RHPN2: variants seen among roughly 807,000 people sequenced by gnomAD.
RHPN2 encodes the protein rhophilin Rho GTPase binding protein 2.
RHPN2 carries 40 observed loss-of-function variants against 79.0 expected under a neutral mutation model. The ratio of observed to expected loss-of-function variants is 0.51; its 90% CI spans 0.39 to 0.66. The LOEUF (loss-of-function observed/expected upper bound fraction) is 0.66, where lower values mean the gene tolerates loss of function less well. Ranked by LOEUF, RHPN2 falls within the 30% of genes least tolerant of loss-of-function variation. RHPN2 has a pLI of 0.00. For synonymous variants in RHPN2, 285 were observed against 363.5 expected (o/e 0.78, Z 2.46); for missense variants, 686 against 883.5 (o/e 0.78, Z 2.83).
At chr19:33,063,928 A>T (rs980288277) in intron 1 of RHPN2, among the ~76,000 whole-genome samples, 2 of 151,956 alleles carry the variant, frequency 1.3e-5, no homozygotes, top group African/African-American at 4.8e-5. Flanking sequence ...TGCGGTGCTC[A>T]CGCCCTCCTG....
intron 3 of RHPN2, among the ~76,000 whole-genome samples, chr19:33,025,738 A>G (rs1271180925): frequency 6.6e-6 from 1 of 152,230 alleles, no homozygotes; most frequent in Non-Finnish European, 1.5e-5. Flanking sequence ...AACATTGGAA[A>G]GGTATTGTCC....
intron 1 of RHPN2, among the ~76,000 whole-genome samples, chr19:33,058,622 A>G (rs1972253757): frequency 6.6e-6 from 1 of 152,154 alleles, no homozygotes; most frequent in South Asian, 2.1e-4. Context: ...TCTACTAAAA[A>G]TACAAAAATT....
At chr19:33,036,653 G>A (rs972636264) in intron 2 of RHPN2, among the ~76,000 whole-genome samples, 19 of 152,300 alleles carry the variant, frequency 1.2e-4, no homozygotes, top group African/African-American at 3.6e-4. Context: ...AGGCGCGGGC[G>A]GGAACCAGGG....
chr19:33,053,011 G>A (rs1018243388), intron 1 of RHPN2, among the ~76,000 whole-genome samples: 1 of 149,614 alleles, frequency 6.7e-6, no homozygotes, highest in African/African-American at 2.5e-5. Context: ...TTGCTCTGTT[G>A]CCCAGGCTGG....
chr19:33,020,329 CTTT>C (rs71340522), intron 4 of RHPN2, among the ~76,000 whole-genome samples: 13 of 139,380 alleles, frequency 9.3e-5, no homozygotes, highest in South Asian at 2.3e-4. Flanking sequence ...CTTTCGTTCT[CTTT>C]TTTTTTTTTT....
chr19:32,985,241 G>C (rs1468421835), intron 14 of RHPN2, among the ~76,000 whole-genome samples: 1 of 151,918 alleles, frequency 6.6e-6, no homozygotes, highest in African/African-American at 2.4e-5. Flanking sequence ...TTGAGTCCTA[G>C]AACTCGAAGC....
intron 2 of RHPN2, among the ~76,000 whole-genome samples, chr19:33,036,537 G>A (rs1972057007): frequency 6.6e-6 from 1 of 152,166 alleles, no homozygotes; most frequent in Non-Finnish European, 1.5e-5. Context: ...CCACTTTGGC[G>A]ACACTTGAGG....
intron 4 of RHPN2, among the ~76,000 whole-genome samples, chr19:33,015,500 T>C (rs1022470652): frequency 6.6e-6 from 1 of 151,964 alleles, no homozygotes; most frequent in Admixed American, 6.6e-5. Flanking sequence ...TCACTGTTAT[T>C]ACTTAGCCTA....
chr19:33,003,935 GA>G (rs1249755631), intron 7 of RHPN2, among the ~76,000 whole-genome samples: 4 of 152,218 alleles, frequency 2.6e-5, no homozygotes, highest in African/African-American at 9.6e-5. Context: ...AGCTATAAAG[GA>G]GGCTGAGGTG....
intron 1 of RHPN2, among the ~76,000 whole-genome samples, 154 bp downstream of exon 1, chr19:33,064,630 G>T (rs1219490333): frequency 6.9e-6 from 1 of 144,402 alleles, no homozygotes; most frequent in East Asian, 2.1e-4. Context: ...ACTCCTCCCC[G>T]CCAGCCTCCG....
chr19:33,036,186 A>T (rs1000299450), intron 2 of RHPN2, among the ~76,000 whole-genome samples: 5 of 139,672 alleles, frequency 3.6e-5, no homozygotes, highest in South Asian at 2.3e-4. Context: ...AAGAAAATTA[A>T]TTTTTTTTTT....
intron 2 of RHPN2, among the ~76,000 whole-genome samples, chr19:33,034,052 C>G (rs1428681318): frequency 8.0e-6 from 1 of 125,582 alleles, no homozygotes; most frequent in Admixed American, 7.6e-5. Context: ...AGTCAGGGGT[C>G]TAAACATATT....
At chr19:33,049,007 T>C in intron 1 of RHPN2, among the ~76,000 whole-genome samples, 1 of 152,104 alleles carries the variant, frequency 6.6e-6, no homozygotes, top group East Asian at 1.9e-4. Flanking sequence ...TCTGCTGGCC[T>C]GGAATCAGTA....
At chr19:32,992,191 T>C in intron 12 of RHPN2, 1 of 571,454 alleles carries the variant, frequency 1.7e-6, no homozygotes, top group Non-Finnish European at 3.2e-6. Context: ...CTTTTAGGCA[T>C]TGTATTAATT....
chr19:33,011,896 T>C, intron 5 of RHPN2, 93 bp from the exon 6 acceptor site: 1 of 1,539,492 alleles, frequency 6.5e-7, no homozygotes. Flanking sequence ...AGCAGGTGCC[T>C]GTAACTATTT....
At chr19:33,044,849 A>G (rs1485420696) in intron 1 of RHPN2, among the ~76,000 whole-genome samples, 1 of 152,140 alleles carries the variant, frequency 6.6e-6, no homozygotes, top group Non-Finnish European at 1.5e-5. Flanking sequence ...AGCCGAGATT[A>G]TGCCACTGCA....
At chr19:33,035,944 A>G (rs1021442140) in intron 2 of RHPN2, among the ~76,000 whole-genome samples, 1 of 151,894 alleles carries the variant, frequency 6.6e-6, no homozygotes, top group Non-Finnish European at 1.5e-5. Flanking sequence ...GTGAAAACCT[A>G]TCTCTACTAA....
chr19:32,986,561 T>A (rs1971614322), intron 14 of RHPN2, among the ~76,000 whole-genome samples: 1 of 152,038 alleles, frequency 6.6e-6, no homozygotes, highest in African/African-American at 2.4e-5. Flanking sequence ...TTTGGGAGGC[T>A]AAGGTAGATG....
intron 3 of RHPN2, among the ~76,000 whole-genome samples, chr19:33,022,890 G>C (rs550961530): frequency 2.6e-5 from 4 of 152,226 alleles, no homozygotes; most frequent in African/African-American, 4.8e-5. Context: ...CCTGCTGAAG[G>C]CTCCTCCAGG....
Sources: gnomAD v4.1 joint callset for allele counts (sites outside exome capture counted in the v4.1 genomes callset) on GRCh38, gnomAD v4.1.1 for gene constraint, MANE v1.5 for transcripts, NCBI Gene and HGNC (gene_info 2026-07-23, HGNC 2026-07-21) for gene names.